Variants in UBE2H observed in about 807,000 individuals in gnomAD.
UBE2H encodes ubiquitin-conjugating enzyme E2 H.
In UBE2H, 3 loss-of-function variants were observed where a neutral mutation model predicts 29.0. That is an observed-to-expected ratio of 0.10 (90% CI 0.05 to 0.27). UBE2H has a LOEUF of 0.27. Ranked by LOEUF, UBE2H falls within the 10% of genes least tolerant of loss-of-function variation. UBE2H has a pLI of 1.00. For missense variants in UBE2H, 68 were observed against 228.2 expected, an observed-to-expected ratio of 0.30 and a Z score of 4.52; for synonymous variants, 69 against 82.9, an observed-to-expected ratio of 0.83 and a Z score of 0.91.
rs61226846 is a variant in UBE2H, at chr7:129,836,879, C to CAAAAAAAAAAAAAAAAAAAA, written c.428-1838_428-1819dup. ...TAGGCGACAGGGCAAGACTCCGTCT[C>CAAAAAAAAAAAAAAAAAAAA]AAAAAAAAAAAAAAAAAAAAAAAAA... On this transcript the variant is annotated intron_variant, in intron 6 of 6. Transcript: ENST00000355621. 1.4e-3 allele frequency among the ~76,000 whole-genome samples: 102 copies of CAAAAAAAAAAAAAAAAAAAA among 73,722 alleles called. 9 individuals carry two copies. Among genetic ancestry groups the CAAAAAAAAAAAAAAAAAAAA allele is most frequent in the Non-Finnish European group, 1.9e-3 (71 of 38,350 alleles). 48.4% of individuals were successfully genotyped at this position (73,722 alleles called of 152,430 possible). A position where few individuals can be genotyped will look rare whatever the true frequency, so the allele number is the denominator to read the frequency against.
intron 5 of UBE2H, among the ~76,000 whole-genome samples, chr7:129,852,575 G>T (rs993819819): frequency 6.6e-6 from 1 of 152,170 alleles, no homozygotes; most frequent in Non-Finnish European, 1.5e-5. Flanking sequence ...GATAACTCTA[G>T]GGGAAGACTT....
At chr7:129,858,477 A>T (rs2116317811) in intron 4 of UBE2H, among the ~76,000 whole-genome samples, 1 of 152,346 alleles carries the variant, frequency 6.6e-6, no homozygotes, top group East Asian at 1.9e-4. Flanking sequence ...TTAGAAGGAA[A>T]GAAGGGGATA....
intron 1 of UBE2H, among the ~76,000 whole-genome samples, chr7:129,933,847 A>G (rs372633735): frequency 6.6e-6 from 1 of 152,180 alleles, no homozygotes; most frequent in South Asian, 2.1e-4. Context: ...ATAAGGGACA[A>G]AAGCTTAGGA....
chr7:129,865,010 C>T (rs1805874405), intron 3 of UBE2H: 3 of 418,094 alleles, frequency 7.2e-6, no homozygotes, highest in East Asian at 7.2e-5. Context: ...AGCTAAAATG[C>T]TTACCCTTCT....
intron 1 of UBE2H, among the ~76,000 whole-genome samples, chr7:129,952,299 CGG>C (rs528359155): frequency 6.6e-6 from 1 of 152,098 alleles, no homozygotes; most frequent in Non-Finnish European, 1.5e-5. Context: ...ACGCGTATTT[CGG>C]GGTGCTGCGG....
At chr7:129,867,232 C>A (rs910242729) in intron 3 of UBE2H, among the ~76,000 whole-genome samples, 1 of 152,034 alleles carries the variant, frequency 6.6e-6, no homozygotes, top group African/African-American at 2.4e-5. Context: ...TTAAGAAGAC[C>A]ATCCTACACA....
chr7:129,925,115 C>A (rs1046371995), intron 1 of UBE2H, among the ~76,000 whole-genome samples: 1 of 151,978 alleles, frequency 6.6e-6, no homozygotes, highest in Admixed American at 6.6e-5. Context: ...TTTGGGAGGC[C>A]AAGGTGGGTG....
intron 3 of UBE2H, among the ~76,000 whole-genome samples, chr7:129,872,729 G>T (rs1806064569): frequency 6.7e-6 from 1 of 150,168 alleles, no homozygotes; most frequent in African/African-American, 2.4e-5. Context: ...TGTAATCCCA[G>T]CTACTCAGGA....
chr7:129,887,821 T>A (rs1806395165), intron 1 of UBE2H, among the ~76,000 whole-genome samples: 1 of 152,056 alleles, frequency 6.6e-6, no homozygotes, highest in African/African-American at 2.4e-5. Flanking sequence ...GAGCCAAAGT[T>A]ACGGTGAGCT....
intron 1 of UBE2H, 41 bp downstream of exon 1, chr7:129,952,462 G>A (rs1807898666): frequency 1.2e-6 from 2 of 1,603,026 alleles, no homozygotes; most frequent in Non-Finnish European, 1.7e-6. Flanking sequence ...TCCCCACACC[G>A]CCCCCCACAC....
At chr7:129,946,889 T>A (rs1229799644) in intron 1 of UBE2H, among the ~76,000 whole-genome samples, 1 of 152,244 alleles carries the variant, frequency 6.6e-6, no homozygotes, top group Non-Finnish European at 1.5e-5. Flanking sequence ...AGCTATTACG[T>A]TGCAAACATT....
chr7:129,924,899 C>A (rs1189163730), intron 1 of UBE2H, among the ~76,000 whole-genome samples: 1 of 151,930 alleles, frequency 6.6e-6, no homozygotes, highest in African/African-American at 2.4e-5. Flanking sequence ...CCGCTGAACT[C>A]CCAAATCAGG....
chr7:129,866,284 G>C (rs1805903263), intron 3 of UBE2H, among the ~76,000 whole-genome samples: 1 of 152,204 alleles, frequency 6.6e-6, no homozygotes. Flanking sequence ...TATAGAGTCT[G>C]AGGAATGGGC....
intron 1 of UBE2H, among the ~76,000 whole-genome samples, chr7:129,949,509 A>G (rs1197111383): frequency 1.3e-5 from 2 of 152,206 alleles, no homozygotes; most frequent in Non-Finnish European, 2.9e-5. Flanking sequence ...AACCCTTAGC[A>G]AAGGATCAGA....
intron 1 of UBE2H, among the ~76,000 whole-genome samples, chr7:129,883,189 C>A (rs1306722795): frequency 1.3e-5 from 2 of 152,158 alleles, no homozygotes; most frequent in Non-Finnish European, 2.9e-5. Context: ...CTTCTGAGGA[C>A]AAATCCAGCA....
chr7:129,896,192 C>G (rs1806596926), intron 1 of UBE2H, among the ~76,000 whole-genome samples: 1 of 151,828 alleles, frequency 6.6e-6, no homozygotes, highest in African/African-American at 2.4e-5. Flanking sequence ...AAAAAATTAG[C>G]TGGACGTGGT....
intron 1 of UBE2H, among the ~76,000 whole-genome samples, chr7:129,888,858 CAGAA>C (rs1806418166): frequency 1.3e-5 from 2 of 152,140 alleles, no homozygotes; most frequent in Admixed American, 6.5e-5. Flanking sequence ...TTAAGAAGTA[CAGAA>C]AGAGTTTGCA....
chr7:129,926,281 G>A (rs946787924), intron 1 of UBE2H, among the ~76,000 whole-genome samples: 1 of 151,564 alleles, frequency 6.6e-6, no homozygotes, highest in Non-Finnish European at 1.5e-5. Context: ...AGGCTGAGGT[G>A]GGTGGATCAC....
At chr7:129,950,225 G>A (rs976777594) in intron 1 of UBE2H, among the ~76,000 whole-genome samples, 2 of 152,052 alleles carry the variant, frequency 1.3e-5, no homozygotes, top group Non-Finnish European at 2.9e-5. Context: ...ATAACCTCTG[G>A]CTTTTAAATC....
Sources: allele counts gnomAD v4.1 joint callset (sites outside exome capture counted in the v4.1 genomes callset), GRCh38; gene constraint gnomAD v4.1.1; transcripts MANE v1.5; gene names NCBI Gene and HGNC (gene_info 2026-07-23, HGNC 2026-07-21).